The following FGF14 variants were observed in gnomAD, a reference collection of about 807,000 sequenced individuals.
FGF14 encodes the protein fibroblast growth factor 14, also known as fibroblast growth factor homologous factor 4.
In FGF14, 5 loss-of-function variants were observed where a neutral mutation model predicts 25.5. The ratio of observed to expected loss-of-function variants is 0.20; its 90% CI spans 0.10 to 0.41. The LOEUF (loss-of-function observed/expected upper bound fraction) is 0.41, where lower values mean the gene tolerates loss of function less well. Ranked by LOEUF, FGF14 falls within the 10% of genes least tolerant of loss-of-function variation. The pLI is 1.00. For synonymous variants in FGF14, 138 were observed against 118.3 expected (o/e 1.17, Z -1.08); for missense variants, 222 against 320.1 (o/e 0.69, Z 2.34).
At chr13:102,362,760 A>G (rs796921770) in intron 1 of FGF14, among the ~76,000 whole-genome samples, 2 of 152,346 alleles carry the variant, frequency 1.3e-5, no homozygotes, top group African/African-American at 4.8e-5. Context: ...AAGAAGAAAG[A>G]AAAGAATTTT....
chr13:102,165,850 T>G (rs2047983000), intron 1 of FGF14, among the ~76,000 whole-genome samples: 2 of 151,678 alleles, frequency 1.3e-5, no homozygotes, highest in Non-Finnish European at 2.9e-5. Context: ...GATTCCTGGT[T>G]GCCAGAGGCT....
chr13:102,278,486 AG>A (rs1321494723), intron 1 of FGF14, among the ~76,000 whole-genome samples: 5 of 152,190 alleles, frequency 3.3e-5, no homozygotes, highest in Non-Finnish European at 5.9e-5. Context: ...TAGATGAAAC[AG>A]GGGTGATTGA....
intron 1 of FGF14, among the ~76,000 whole-genome samples, chr13:102,275,249 T>TCC (rs1318335438): frequency 2.0e-5 from 2 of 101,382 alleles, no homozygotes; most frequent in Admixed American, 1.1e-4. Flanking sequence ...TCTCTCTCTC[T>TCC]CTCTCTCTCT....
At chr13:102,369,019 T>TTC (rs2057797578) in intron 1 of FGF14, among the ~76,000 whole-genome samples, 2 of 152,198 alleles carry the variant, frequency 1.3e-5, no homozygotes, top group South Asian at 4.1e-4. Flanking sequence ...ATGAGTATAT[T>TTC]ATAACCTCTC....
chr13:102,272,039 CCTT>C (rs1181308518), intron 1 of FGF14, among the ~76,000 whole-genome samples: 1 of 152,162 alleles, frequency 6.6e-6, no homozygotes, highest in East Asian at 1.9e-4. Flanking sequence ...TACTCAGACT[CCTT>C]AGCCTGTCCA....
chr13:102,319,191 G>T (rs759499410), intron 1 of FGF14, among the ~76,000 whole-genome samples: 1 of 152,176 alleles, frequency 6.6e-6, no homozygotes, highest in Non-Finnish European at 1.5e-5. Context: ...TCATATGAGA[G>T]TCCCTGAGTA....
intron 3 of FGF14, among the ~76,000 whole-genome samples, chr13:101,757,512 ATTATTCATG>A (rs2037742576): frequency 6.6e-6 from 1 of 152,218 alleles, no homozygotes; most frequent in Admixed American, 6.5e-5. Flanking sequence ...AAAGTTATTA[ATTATTCATG>A]TAAGAATCAC....
At chr13:102,113,689 C>T (rs1358659874) in intron 1 of FGF14, among the ~76,000 whole-genome samples, 3 of 152,166 alleles carry the variant, frequency 2.0e-5, no homozygotes, top group Admixed American at 6.5e-5. Context: ...TGTGTAGCTA[C>T]ATTTGAGAAC....
At chr13:101,993,084 G>A (rs2038990827) in intron 1 of FGF14, among the ~76,000 whole-genome samples, 1 of 151,468 alleles carries the variant, frequency 6.6e-6, no homozygotes, top group Non-Finnish European at 1.5e-5. Flanking sequence ...AGCCACAGTG[G>A]GGAAAAACCT....
rs1189367840 is a variant in FGF14 at position 102,370,630 on chromosome 13, T to C, written c.208+30841A>G. Among the ~76,000 whole-genome samples, 5 of 152,058 alleles carry C rather than the reference T, an allele frequency of 3.3e-5. No individual in the cohort carries two copies. The South Asian group carries it at 8.3e-4, about 25-fold the overall frequency. On this transcript the variant is annotated intron_variant, in intron 1 of 4. Coordinates refer to the FGF14 transcript ENST00000376131. ...CAAAGGTTAATTTTGATAAAATCAT[T>C]ATGTGTCAGACAACTGGATTATTTT...
At chr13:102,176,671 TTAAAAATTTGCTAAAAGGA>T (rs1241369149) in intron 1 of FGF14, among the ~76,000 whole-genome samples, 1 of 152,078 alleles carries the variant, frequency 6.6e-6, no homozygotes, top group Non-Finnish European at 1.5e-5. Flanking sequence ...TATTGCACAA[TTAAAAATTTGCTAAAAGGA>T]TAGATATCAT....
At chr13:102,231,144 C>G (rs532699401) in intron 1 of FGF14, among the ~76,000 whole-genome samples, 1 of 152,292 alleles carries the variant, frequency 6.6e-6, no homozygotes, top group South Asian at 2.1e-4. Context: ...CTCAGTTTCT[C>G]TGTCTCTCAG....
intron 3 of FGF14, among the ~76,000 whole-genome samples, chr13:101,746,005 CA>C (rs1235479750): frequency 2.6e-5 from 4 of 152,026 alleles, no homozygotes; most frequent in Non-Finnish European, 4.4e-5. Flanking sequence ...CAGATCAATT[CA>C]GCGGAGATGT....
At chr13:101,979,316 C>T in intron 1 of FGF14, among the ~76,000 whole-genome samples, 1 of 152,186 alleles carries the variant, frequency 6.6e-6, no homozygotes, top group South Asian at 2.1e-4. Context: ...GGTAAGTAAA[C>T]AAATAAATGG....
At chr13:102,238,183 T>C (rs2051416504) in intron 1 of FGF14, among the ~76,000 whole-genome samples, 4 of 152,196 alleles carry the variant, frequency 2.6e-5, no homozygotes, top group Admixed American at 2.6e-4. Flanking sequence ...TTCTAAAATA[T>C]ATTAAAGAAA....
At chr13:102,168,241 C>T (rs536332882) in intron 1 of FGF14, among the ~76,000 whole-genome samples, 23 of 152,152 alleles carry the variant, frequency 1.5e-4, no homozygotes, top group African/African-American at 5.3e-4. Flanking sequence ...GAAAAAGGTG[C>T]GTATGATGGG....
At chr13:102,084,304 A>G (rs915740731) in intron 1 of FGF14, among the ~76,000 whole-genome samples, 4 of 152,094 alleles carry the variant, frequency 2.6e-5, no homozygotes, top group African/African-American at 9.7e-5. Context: ...TAGAATATCA[A>G]CTCCATTTTG....
chr13:101,928,013 T>C (rs1416065605), intron 1 of FGF14, among the ~76,000 whole-genome samples: 1 of 152,174 alleles, frequency 6.6e-6, no homozygotes, highest in African/African-American at 2.4e-5. Context: ...ACTAGAACTT[T>C]TCAAAATATC....
rs559975281 is a variant in FGF14, at chr13:101,844,733, C to T, written c.408+23992G>A. On this transcript the variant is annotated intron_variant, in intron 3 of 4. Coordinates refer to ENST00000376143, the MANE Select transcript of FGF14 (RefSeq NM_004115.4). ...GACGTTCAGGAAAAATATAATCTCC[C>T]TATATCACATACAGCTATTTGCTTA... Among the ~76,000 whole-genome samples, 23 of 152,110 alleles carry T rather than the reference C, an allele frequency of 1.5e-4. No individual in the cohort carries two copies. In the South Asian group the frequency reaches 4.6e-3, roughly 30 times the overall value.
Sources: allele counts gnomAD v4.1 joint callset (sites outside exome capture counted in the v4.1 genomes callset), GRCh38; gene constraint gnomAD v4.1.1; transcripts MANE v1.5; gene names NCBI Gene and HGNC (gene_info 2026-07-23, HGNC 2026-07-21).